Variants in SH3YL1 observed in about 807,000 individuals in gnomAD.
SH3YL1 encodes SH3 domain-containing YSC84-like protein 1.
A neutral mutation model predicts 45.8 loss-of-function variants in SH3YL1; 41 were observed. The ratio of observed to expected loss-of-function variants is 0.89; its 90% confidence interval spans 0.70 to 1.16. The LOEUF is 1.16. Ranked by LOEUF, SH3YL1 falls within the 50% of genes most tolerant of loss-of-function variation. The pLI is 0.00. For missense variants in SH3YL1, 389 were observed against 409.6 expected (o/e 0.95, Z 0.43); for synonymous variants, 152 against 151.4 (o/e 1.00, Z -0.03).
At position 238,989 on chromosome 2, in the gene SH3YL1, G is replaced by A. The variant is rs78193137; in HGVS notation, c.292-4717C>T. ...GTCGAACATAAATTAACCCCACGCC[G>A]GCCTTCTGGCTAAGCTTAGGGTCAC... On this transcript the variant is annotated intron_variant, in intron 4 of 9. Coordinates refer to ENST00000356150, the MANE Select transcript of SH3YL1 (RefSeq NM_015677.4). Among the ~76,000 whole-genome samples, 822 of 152,254 alleles carry A rather than the reference G, an allele frequency of 5.4e-3. 8 individuals are homozygous for A. The highest frequency in any genetic ancestry group is 0.017 in the African/African-American group (717 of 41,536).
At chr2:263,693 G>T in intron 1 of SH3YL1, 1 of 387,102 alleles carries the variant, frequency 2.6e-6, no homozygotes, top group East Asian at 4.2e-5. Flanking sequence ...CTGACACCTC[G>T]CCGTTCAAAT....
At chr2:223,449 T>C (rs1318771028) in intron 9 of SH3YL1, among the ~76,000 whole-genome samples, 3 of 152,304 alleles carry the variant, frequency 2.0e-5, no homozygotes, top group Admixed American at 2.0e-4. Context: ...TCAGCTGACC[T>C]TGTCAAGTTT....
chr2:255,090 G>A (rs1476887321), intron 1 of SH3YL1, among the ~76,000 whole-genome samples: 1 of 152,192 alleles, frequency 6.6e-6, no homozygotes, highest in African/African-American at 2.4e-5. Context: ...AGGACCTCCT[G>A]AGGCTGTGTC....
intron 6 of SH3YL1, among the ~76,000 whole-genome samples, chr2:232,112 C>G (rs1668073603): frequency 6.6e-6 from 1 of 152,136 alleles, no homozygotes. Context: ...TTATCTCTTT[C>G]TGGGCCTTTA....
intron 1 of SH3YL1, chr2:256,376 T>C (rs1486424908): frequency 6.6e-6 from 1 of 152,174 alleles, no homozygotes; most frequent in East Asian, 1.9e-4. Flanking sequence ...CTATAAATAT[T>C]CCTTTGTAAG....
chr2:253,412 G>A (rs539982870), intron 1 of SH3YL1, among the ~76,000 whole-genome samples: 1 of 152,078 alleles, frequency 6.6e-6, no homozygotes, highest in South Asian at 2.1e-4. Context: ...AAACCAAGAA[G>A]GCAATGAACG....
intron 3 of SH3YL1, among the ~76,000 whole-genome samples, chr2:249,267 C>T (rs865830973): frequency 6.6e-6 from 1 of 152,150 alleles, no homozygotes; most frequent in African/African-American, 2.4e-5. Context: ...TGATATGATT[C>T]TGCCTTGGGG....
chr2:249,905 G>T, intron 2 of SH3YL1, 61 bp from the exon 3 acceptor site: 1 of 1,172,676 alleles, frequency 8.5e-7, no homozygotes, highest in Non-Finnish European at 1.2e-6. Flanking sequence ...GGATAGACGA[G>T]CAAGTGTTAA....
At chr2:263,834 C>G in intron 1 of SH3YL1, 150 bp downstream of exon 1, 6 of 623,734 alleles carry the variant, frequency 9.6e-6, no homozygotes, top group South Asian at 3.7e-5. Context: ...GGAAGCTGCT[C>G]TATCTTAACT....
At chr2:242,332 TGA>T (rs1236112577) in intron 4 of SH3YL1, among the ~76,000 whole-genome samples, 3 of 152,148 alleles carry the variant, frequency 2.0e-5, no homozygotes, top group Admixed American at 6.5e-5. Context: ...CATGAATTGC[TGA>T]GTGTGTATCA....
intron 1 of SH3YL1, 113 bp from the exon 2 acceptor site, chr2:253,228 G>A (rs1217598440): frequency 9.3e-6 from 6 of 648,108 alleles, no homozygotes; most frequent in South Asian, 6.5e-5. Flanking sequence ...AAACCAGAGG[G>A]ACTCCATTTT....
At chr2:236,778 AG>A (rs1668322622) in intron 4 of SH3YL1, among the ~76,000 whole-genome samples, 1 of 152,236 alleles carries the variant, frequency 6.6e-6, no homozygotes, top group African/African-American at 2.4e-5. Context: ...TATGAGTGAC[AG>A]AAAAATCCTG....
At chr2:245,462 TTG>T (rs1471802471) in intron 4 of SH3YL1, among the ~76,000 whole-genome samples, 1 of 152,216 alleles carries the variant, frequency 6.6e-6, no homozygotes, top group Non-Finnish European at 1.5e-5. Flanking sequence ...AAATTATATT[TTG>T]TGTCATTTCA....
chr2:240,640 T>C (rs1668502061), intron 4 of SH3YL1: 1 of 152,168 alleles, frequency 6.6e-6, no homozygotes, highest in Non-Finnish European at 1.5e-5. Context: ...TGGATCAAAC[T>C]GTGGAGCAAT....
chr2:226,749 T>TTGGGGAGTGTATATATGG (rs1320337203), intron 8 of SH3YL1, among the ~76,000 whole-genome samples: 65 of 152,028 alleles, frequency 4.3e-4, no homozygotes, highest in African/African-American at 1.3e-3. Flanking sequence ...GGGAATGTTA[T>TTGGGGAGTGTATATATGG]TGGGGAGTGT....
intron 9 of SH3YL1, among the ~76,000 whole-genome samples, chr2:222,050 C>A (rs115987606): frequency 6.6e-6 from 1 of 152,172 alleles, no homozygotes; most frequent in Non-Finnish European, 1.5e-5. Context: ...GGGAAGCAAA[C>A]CCCACTGAGT....
chr2:238,961 A>C (rs1215300804), intron 4 of SH3YL1, among the ~76,000 whole-genome samples: 2 of 152,162 alleles, frequency 1.3e-5, no homozygotes, highest in African/African-American at 4.8e-5. Flanking sequence ...AAAGGTTGAG[A>C]TTGTCGAACA....
Position 230,976 on chromosome 2 carries a change from AAG to A in SH3YL1, c.702+45_702+46del, listed in dbSNP as rs751747546. ...TATCAGGGACAGAATGTTCTACAGA[AAG>A]AGATTTTCTGAGAATACTGAGTGAA... On this transcript the variant is annotated intron_variant, in intron 7 of 9. Coordinates refer to ENST00000356150, the MANE Select transcript of SH3YL1 (RefSeq NM_015677.4). 2.5e-6 allele frequency: 4 copies of A among 1,588,100 alleles called. No homozygotes were observed. In the South Asian group the frequency reaches 3.3e-5, roughly 13 times the overall value.
Position 234,404 on chromosome 2 carries a change from C to T in SH3YL1, c.292-132G>A, listed in dbSNP as rs1031090811. The T allele has an allele frequency of 3.2e-5, 20 of 617,162 alleles. No individual in the cohort carries two copies. In the Admixed American group the frequency reaches 6.7e-4, roughly 21 times the overall value. The allele number at this position is 617,162 out of a possible 1,614,324, so 38.2% of individuals were successfully genotyped here. A position where few individuals can be genotyped will look rare whatever the true frequency, so the allele number is the denominator to read the frequency against. On this transcript the variant is annotated intron_variant, in intron 4 of 9. Coordinates refer to ENST00000356150, the MANE Select transcript of SH3YL1 (RefSeq NM_015677.4). ...AATAGAGACAGGAAAGAACGTGAGA[C>T]AAGAGCCATATTTTTATTTTGAGCT...
Sources: gnomAD v4.1 joint callset for allele counts (sites outside exome capture counted in the v4.1 genomes callset) on GRCh38, gnomAD v4.1.1 for gene constraint, MANE v1.5 for transcripts, NCBI Gene and HGNC (gene_info 2026-07-23, HGNC 2026-07-21) for gene names.